ALDH9A1: variants seen among roughly 807,000 people sequenced by gnomAD.
ALDH9A1 encodes the protein aldehyde dehydrogenase 9 family member A1.
ALDH9A1 carries 42 observed loss-of-function variants against 56.6 expected under a neutral mutation model. The ratio of observed to expected loss-of-function variants is 0.74; its 90% confidence interval spans 0.58 to 0.96. The LOEUF (loss-of-function observed/expected upper bound fraction) is 0.96, where lower values mean the gene tolerates loss of function less well. ALDH9A1 is among the 40% of genes least tolerant of loss of function. The probability of loss-of-function intolerance (pLI) is 0.00; values close to 1 mark genes in which losing one functional copy is unlikely to be tolerated. For missense variants in ALDH9A1, 661 were observed against 651.5 expected (o/e 1.01, Z -0.16); for synonymous variants, 242 against 236.0 (o/e 1.03, Z -0.23).
At chr1:165,682,699 T>A in intron 3 of ALDH9A1, 1 of 373,146 alleles carries the variant, frequency 2.7e-6, no homozygotes, top group South Asian at 6.4e-5. Context: ...AACCGATTCT[T>A]ATGAAAACTG....
chr1:165,684,840 AAACTTTTACT>A lies in ALDH9A1; in HGVS notation c.328-1740_328-1731del, dbSNP rs567368177. On this transcript the variant is annotated intron_variant, in intron 2 of 10. Coordinates refer to ENST00000354775, the MANE Select transcript of ALDH9A1 (RefSeq NM_000696.4). ...CCTGGAACATTTACTAAGAGAATAG[AAACTTTTACT>A]CTGGAGATTTTTTTCTCTTTTAAAA... Among the ~76,000 whole-genome samples the A allele has an allele frequency of 1.5e-3, 233 of 152,338 alleles. 1 individual carries two copies. Among genetic ancestry groups the A allele is most frequent in the African/African-American group, 5.4e-3 (226 of 41,578 alleles).
intron 2 of ALDH9A1, among the ~76,000 whole-genome samples, chr1:165,683,373 C>T (rs1649613221): frequency 6.6e-6 from 1 of 152,090 alleles, no homozygotes; most frequent in African/African-American, 2.4e-5. Flanking sequence ...AGGGGCAAGA[C>T]CGGGCAGGAA....
chr1:165,672,621 T>A (rs982843283), intron 6 of ALDH9A1, among the ~76,000 whole-genome samples: 2 of 152,054 alleles, frequency 1.3e-5, no homozygotes, highest in African/African-American at 2.4e-5. Context: ...GTATTAAATG[T>A]CACTGAACTC....
At chr1:165,679,338 T>C (rs995564409) in intron 6 of ALDH9A1, 104 bp downstream of exon 6, 2 of 1,348,834 alleles carry the variant, frequency 1.5e-6, no homozygotes, top group South Asian at 3.0e-5. Flanking sequence ...TTGTGCAACT[T>C]TTCTGTAAGT....
Position 165,667,198 on chromosome 1 carries a change from A to T in ALDH9A1, c.1349+111T>A, listed in dbSNP as rs931907189. 2.8e-6 allele frequency: 4 copies of T among 1,404,374 alleles called. No individual in the cohort carries two copies. In the African/African-American group the frequency reaches 5.8e-5, roughly 20 times the overall value. 87.0% of individuals were successfully genotyped at this position (1,404,374 alleles called of 1,614,324 possible). ...AACCTGAAGCAAACAGAAAGTGCTG[A>T]TGGCTCCTATGAGGGCAAACTAAAG... On this transcript the variant is annotated intron_variant, in intron 9 of 10. Transcript: ENST00000354775.
chr1:165,685,404 T>C (rs1649676585), intron 2 of ALDH9A1, among the ~76,000 whole-genome samples: 1 of 152,224 alleles, frequency 6.6e-6, no homozygotes, highest in South Asian at 2.1e-4. Flanking sequence ...ATTTTCTCAT[T>C]TCTCAAATAG....
chr1:165,667,684 A>G (rs978839639), intron 8 of ALDH9A1, among the ~76,000 whole-genome samples: 19 of 152,176 alleles, frequency 1.2e-4, no homozygotes, highest in African/African-American at 4.3e-4. Flanking sequence ...TTTATTAAAT[A>G]TTCATGTAAT....
chr1:165,698,128 G>C (rs1323229159), intron 1 of ALDH9A1: 1 of 1,023,554 alleles, frequency 9.8e-7, no homozygotes, highest in Non-Finnish European at 1.3e-6. Flanking sequence ...CTCTGTTCTG[G>C]CCCGGGTAAA....
Position 165,698,503 on chromosome 1 carries a change from G to T in ALDH9A1, c.56C>A (p.Pro19His). Residue 19 changes from proline to histidine, a missense_variant, in exon 1 of 11, where the codon CCC becomes CAC. Transcript: ENST00000354775. Reference protein sequence around the residue: ...ALSPLLRSLRPSPVAAMSTGT... With the variant: ...ALSPLLRSLRHSPVAAMSTGT... ...AGTGCTCATGGCGGCGACAGGAGAG[G>T]GCCGAAGACTGCGAAGAAGCGGGGA... is the stretch of plus-strand genomic sequence containing the variant. 1.2e-6 allele frequency: 2 copies of T among 1,610,848 alleles called. No homozygotes were observed. The highest frequency in any genetic ancestry group is 2.2e-5 in the East Asian group (1 of 44,732).
At chr1:165,665,550 G>A (rs971388317) in intron 9 of ALDH9A1, among the ~76,000 whole-genome samples, 6 of 152,274 alleles carry the variant, frequency 3.9e-5, no homozygotes, top group East Asian at 1.9e-4. Context: ...CTTCATGACC[G>A]TGGGTCAGGG....
At chr1:165,688,886 TA>T (rs1354447983) in intron 2 of ALDH9A1, among the ~76,000 whole-genome samples, 1 of 152,092 alleles carries the variant, frequency 6.6e-6, no homozygotes, top group African/African-American at 2.4e-5. Context: ...AATAAACACT[TA>T]ATAATAAGCA....
At chr1:165,686,769 T>C (rs1178836111) in intron 2 of ALDH9A1, among the ~76,000 whole-genome samples, 1 of 152,124 alleles carries the variant, frequency 6.6e-6, no homozygotes, top group African/African-American at 2.4e-5. Context: ...CACCCAGCAA[T>C]ATAATGTGCC....
chr1:165,682,324 C>T (rs919381202), intron 3 of ALDH9A1, 83 bp from the exon 4 acceptor site: 4 of 1,455,354 alleles, frequency 2.7e-6, no homozygotes, highest in African/African-American at 1.4e-5. Flanking sequence ...CTGACTTGTA[C>T]TCCAGTCAAC....
chr1:165,674,357 T>C (rs1206120893), intron 6 of ALDH9A1, among the ~76,000 whole-genome samples: 1 of 133,986 alleles, frequency 7.5e-6, no homozygotes, highest in Non-Finnish European at 1.6e-5. Context: ...TAAGTTAGTA[T>C]AGCCATGAAG....
intron 1 of ALDH9A1, among the ~76,000 whole-genome samples, chr1:165,696,937 T>A (rs1650107665): frequency 6.6e-6 from 1 of 152,258 alleles, no homozygotes; most frequent in Admixed American, 6.5e-5. Flanking sequence ...AGAGATGTGA[T>A]AATGCCTTCT....
At chr1:165,675,468 A>G (rs1649329215) in intron 6 of ALDH9A1, among the ~76,000 whole-genome samples, 1 of 152,186 alleles carries the variant, frequency 6.6e-6, no homozygotes, top group Non-Finnish European at 1.5e-5. Context: ...GTACCTATTC[A>G]TTTGTGGAAA....
intron 8 of ALDH9A1, among the ~76,000 whole-genome samples, chr1:165,668,070 C>G (rs1468940158): frequency 1.3e-5 from 2 of 152,120 alleles, no homozygotes; most frequent in African/African-American, 4.8e-5. Flanking sequence ...CCATATACAC[C>G]TTGACTGTCA....
At chr1:165,696,267 C>A (rs1650081489) in intron 1 of ALDH9A1, among the ~76,000 whole-genome samples, 1 of 152,172 alleles carries the variant, frequency 6.6e-6, no homozygotes, top group African/African-American at 2.4e-5. Context: ...AATGTCATGT[C>A]CCCTGCCCTA....
At chr1:165,664,834 T>C (rs1648957741) in intron 10 of ALDH9A1, among the ~76,000 whole-genome samples, 184 bp downstream of exon 10, 2 of 152,184 alleles carry the variant, frequency 1.3e-5, no homozygotes, top group African/African-American at 4.8e-5. Flanking sequence ...GAGTGTTGGG[T>C]AGGGGAAGAT....
Sources: allele counts gnomAD v4.1 joint callset (sites outside exome capture counted in the v4.1 genomes callset), GRCh38; gene constraint gnomAD v4.1.1; transcripts MANE v1.5; gene names NCBI Gene and HGNC (gene_info 2026-07-23, HGNC 2026-07-21).